Variants in RCC1L observed in about 807,000 individuals in gnomAD.
The protein encoded by RCC1L is RCC1 like, also known as RCC1-like G exchanging factor-like protein.
RCC1L carries 46 observed loss-of-function variants against 58.6 expected under a neutral mutation model. The ratio of observed to expected loss-of-function variants is 0.79; its 90% CI spans 0.62 to 1.00. The LOEUF (loss-of-function observed/expected upper bound fraction) is 1.00. RCC1L is among the 50% of genes least tolerant of loss of function. The pLI, the probability that RCC1L is intolerant of heterozygous loss-of-function variation, is 0.00. For missense variants in RCC1L, 636 were observed against 623.6 expected, an observed-to-expected ratio of 1.02 and a Z score of -0.21; for synonymous variants, 281 against 262.9, an observed-to-expected ratio of 1.07 and a Z score of -0.67.
chr7:75,060,627 C>T (rs1022550240), intron 6 of RCC1L, among the ~76,000 whole-genome samples: 5 of 152,096 alleles, frequency 3.3e-5, no homozygotes, highest in African/African-American at 9.7e-5. Context: ...GATGGGGTTT[C>T]GCCATGGTGG....
chr7:75,062,235 G>A (rs1320164373), intron 5 of RCC1L, among the ~76,000 whole-genome samples: 3 of 100,074 alleles, frequency 3.0e-5, no homozygotes, highest in African/African-American at 8.4e-5. Context: ...ATAGGTGAAG[G>A]AGGCCTGACA....
chr7:75,056,439 G>A, intron 8 of RCC1L: 2 of 1,290,960 alleles, frequency 1.5e-6, no homozygotes, highest in Non-Finnish European at 2.1e-6. Context: ...TGACAGCTCT[G>A]TGTTTCACAC....
At chr7:75,058,260 A>T (rs1334110661) in intron 7 of RCC1L, 3 of 339,872 alleles carry the variant, frequency 8.8e-6, no homozygotes, top group Non-Finnish European at 1.7e-5. Flanking sequence ...TTTTCGAGAC[A>T]GAGTCTTGCT....
chr7:75,052,027 G>T (rs2131987298), intron 10 of RCC1L, among the ~76,000 whole-genome samples: 1 of 152,236 alleles, frequency 6.6e-6, no homozygotes, highest in East Asian at 1.9e-4. Flanking sequence ...ATGCCTTAAA[G>T]AACTGACTTA....
chr7:75,045,548 G>A (rs918801561), intron 10 of RCC1L, among the ~76,000 whole-genome samples: 5 of 148,740 alleles, frequency 3.4e-5, no homozygotes, highest in African/African-American at 5.0e-5. Flanking sequence ...ACGGAGTCTC[G>A]CTCTGTCACC....
At chr7:75,047,951 T>TTA (rs1554442961) in intron 10 of RCC1L, among the ~76,000 whole-genome samples, 2 of 72,162 alleles carry the variant, frequency 2.8e-5, no homozygotes, top group Non-Finnish European at 4.8e-5. Flanking sequence ...GGCCAATAAT[T>TTA]AAAAAAAAAA....
chr7:75,066,497 G>T (rs1806490991), intron 3 of RCC1L, among the ~76,000 whole-genome samples, 167 bp downstream of exon 3: 1 of 152,062 alleles, frequency 6.6e-6, no homozygotes, highest in African/African-American at 2.4e-5. Flanking sequence ...AATCAACAAG[G>T]TTTGTCCAGC....
At chr7:75,055,168 C>T (rs1806037134) in intron 9 of RCC1L, among the ~76,000 whole-genome samples, 1 of 152,212 alleles carries the variant, frequency 6.6e-6, no homozygotes, top group South Asian at 2.1e-4. Context: ...AAGGAAATAA[C>T]TAATTTACTT....
At chr7:75,054,432 G>C (rs1806014524) in intron 9 of RCC1L, among the ~76,000 whole-genome samples, 1 of 152,172 alleles carries the variant, frequency 6.6e-6, no homozygotes, top group Admixed American at 6.6e-5. Context: ...GCTGTGACCT[G>C]AAATGGCTAC....
chr7:75,043,963 G>A (rs941909081), intron 10 of RCC1L, among the ~76,000 whole-genome samples: 169 of 152,264 alleles, frequency 1.1e-3, no homozygotes, highest in African/African-American at 3.8e-3. Context: ...CACCAAGCAG[G>A]GGCAGTGGCT....
At chr7:75,051,242 A>G (rs1805897563) in intron 10 of RCC1L, among the ~76,000 whole-genome samples, 1 of 147,844 alleles carries the variant, frequency 6.8e-6, no homozygotes, top group Non-Finnish European at 1.5e-5. Context: ...ATATGTATAT[A>G]TATTTATATG....
intron 10 of RCC1L, among the ~76,000 whole-genome samples, chr7:75,029,208 C>T (rs1805228722): frequency 6.6e-6 from 1 of 152,180 alleles, no homozygotes; most frequent in Admixed American, 6.5e-5. Context: ...CTCCTGGCCA[C>T]ATTTTCCAGG....
chr7:75,039,450 A>G (rs977799417), downstream of RCC1L, among the ~76,000 whole-genome samples: 1 of 152,258 alleles, frequency 6.6e-6, no homozygotes, highest in Non-Finnish European at 1.5e-5. Context: ...AAGTCATGAC[A>G]GCATCCTATT....
intron 10 of RCC1L, among the ~76,000 whole-genome samples, chr7:75,044,417 G>A (rs1805655929): frequency 6.6e-6 from 1 of 151,784 alleles, no homozygotes; most frequent in East Asian, 2.0e-4. Flanking sequence ...TGGCCAACAT[G>A]GTGAAACCCT....
At chr7:75,027,993 GA>G (rs1805185436) in exon 11 of RCC1L, 13 of 1,532,282 alleles carry the variant, frequency 8.5e-6, no homozygotes, top group Non-Finnish European at 1.1e-5. Flanking sequence ...CAGTTGCATG[GA>G]ACTCCTTACC....
chr7:75,028,507 CA>C, intron 10 of RCC1L, among the ~76,000 whole-genome samples: 1 of 152,144 alleles, frequency 6.6e-6, no homozygotes, highest in South Asian at 2.1e-4. Flanking sequence ...TGTGGTTCTC[CA>C]TTAAGAAAAG....
At chr7:75,028,202 C>A in intron 10 of RCC1L, 1 of 890,910 alleles carries the variant, frequency 1.1e-6, no homozygotes, top group Non-Finnish European at 1.6e-6. Flanking sequence ...ACTGCAGCAA[C>A]CTCCACTTCC....
At chr7:75,066,198 TC>T (rs1554445087) in intron 3 of RCC1L, among the ~76,000 whole-genome samples, 1 of 152,036 alleles carries the variant, frequency 6.6e-6, no homozygotes, top group African/African-American at 2.4e-5. Context: ...ACGCCTGTAA[TC>T]CCAGCACTTT....
chr7:75,032,686 T>A (rs1395891095), intron 10 of RCC1L, among the ~76,000 whole-genome samples: 2 of 152,210 alleles, frequency 1.3e-5, no homozygotes, highest in East Asian at 3.9e-4. Context: ...TGAATATTCT[T>A]CCATCACCCT....
Sources: gnomAD v4.1 joint callset for allele counts (sites outside exome capture counted in the v4.1 genomes callset) on GRCh38, gnomAD v4.1.1 for gene constraint, MANE v1.5 for transcripts, NCBI Gene and HGNC (gene_info 2026-07-23, HGNC 2026-07-21) for gene names.